Variants in ACSS3 observed in about 807,000 individuals in gnomAD.
ACSS3 encodes the protein acyl-CoA synthetase short chain family member 3.
ACSS3 carries 64 observed loss-of-function variants against 84.2 expected under a neutral mutation model. The observed-to-expected ratio is 0.76, with a 90% CI of 0.62 to 0.94. ACSS3 has a LOEUF of 0.94. Among genes scored for constraint, ACSS3 ranks in the 40% least tolerant of loss-of-function variants. ACSS3 has a pLI of 0.00. For missense variants in ACSS3, 815 were observed against 867.6 expected, an observed-to-expected ratio of 0.94 and a Z score of 0.76; for synonymous variants, 317 against 310.1, an observed-to-expected ratio of 1.02 and a Z score of -0.23.
In ACSS3 at chr12:81,078,695, T is replaced by G. The variant is rs942430024; in HGVS notation, c.311+264T>G. Among the ~76,000 whole-genome samples the G allele has an allele frequency of 2.6e-5, 4 of 152,092 alleles. No individual in the cohort carries two copies. In the South Asian group the frequency reaches 8.3e-4, roughly 32 times the overall value. On this transcript the variant is annotated intron_variant, in intron 1 of 15. Coordinates refer to ENST00000548058, the MANE Select transcript of ACSS3 (RefSeq NM_024560.4). ...GACTGGCAAGGTTCTGCTTTGGCAG[T>G]GGGAATAGTAAGAAAACTAAAACAA...
chr12:81,220,767 G>A (rs899095216), intron 11 of ACSS3, among the ~76,000 whole-genome samples: 1 of 151,872 alleles, frequency 6.6e-6, no homozygotes, highest in Non-Finnish European at 1.5e-5. Context: ...TTATTTTTGT[G>A]TATTGCTGTT....
chr12:81,215,189 A>G (rs1262405036), intron 9 of ACSS3, among the ~76,000 whole-genome samples: 2 of 152,196 alleles, frequency 1.3e-5, no homozygotes, highest in African/African-American at 4.8e-5. Context: ...CGGCAGGAGT[A>G]TTAGATGGCT....
Position 81,109,541 on chromosome 12 carries a change from C to G in ACSS3, c.312-19C>G. The G allele has an allele frequency of 6.3e-7, 1 of 1,598,962 alleles. No homozygotes were observed. The highest frequency in any genetic ancestry group is 1.3e-5 in the African/African-American group (1 of 74,344). ...TTTTTAAAGCCATCATTCACCTTTA[C>G]TTTCCAATTATTTTTCAGGTTTGTG... is the stretch of plus-strand genomic sequence containing the variant. On this transcript the variant is annotated intron_variant, in intron 1 of 15. Transcript: ENST00000548058.
chr12:81,240,018 G>T (rs567992026), intron 13 of ACSS3, among the ~76,000 whole-genome samples: 2 of 151,896 alleles, frequency 1.3e-5, no homozygotes, highest in Non-Finnish European at 2.9e-5. Context: ...TTTGAGTGTG[G>T]ACTTTTTTTT....
At chr12:81,136,427 T>C (rs1885807937) in intron 3 of ACSS3, among the ~76,000 whole-genome samples, 1 of 152,246 alleles carries the variant, frequency 6.6e-6, no homozygotes, top group Admixed American at 6.5e-5. Context: ...AGAAACAGGC[T>C]GTGTGCCGGG....
chr12:81,198,893 A>G (rs896770209), intron 8 of ACSS3, among the ~76,000 whole-genome samples: 6 of 152,232 alleles, frequency 3.9e-5, no homozygotes, highest in Non-Finnish European at 8.8e-5. Flanking sequence ...ACAAGAAGGA[A>G]CAAATTCATA....
chr12:81,259,783 G>T lies in ACSS3; in HGVS notation c.*4861G>T. On this transcript the variant is annotated 3_prime_UTR_variant, in exon 16 of 16. Transcript: ENST00000548058. Reference sequence around the variant, plus strand: ...CTCCTGTCCTAGAAGATCATGAGAAGGAAATCATCTAGGATGTAGCCAACA... The same window carrying T: ...CTCCTGTCCTAGAAGATCATGAGAATGAAATCATCTAGGATGTAGCCAACA... 1.3e-6 allele frequency: 1 copy of T among 748,460 alleles called. No homozygotes were observed. Among genetic ancestry groups the T allele is most frequent in the East Asian group, 2.8e-5 (1 of 35,434 alleles). The allele number at this position is 748,460 out of a possible 1,614,324, so 46.4% of individuals were successfully genotyped here. A position where few individuals can be genotyped will look rare whatever the true frequency, so the allele number is the denominator to read the frequency against.
Position 81,199,329 on chromosome 12 carries a change from T to C in ACSS3, c.1251-12T>C. 1 of 1,594,350 alleles carries C rather than the reference T, an allele frequency of 6.3e-7. No homozygotes were observed. The highest frequency in any genetic ancestry group is 8.5e-7 in the Non-Finnish European group (1 of 1,170,584). ...TTCCAGGAATAATTTGAATTCACTG[T>C]CTCATATTCAGGTTCAAAACATTAT... On this transcript the variant is annotated splice_polypyrimidine_tract_variant and intron_variant, in intron 8 of 15. Coordinates refer to ENST00000548058, the MANE Select transcript of ACSS3 (RefSeq NM_024560.4).
At chr12:81,147,672 C>G (rs963150372) in intron 5 of ACSS3, among the ~76,000 whole-genome samples, 10 of 152,100 alleles carry the variant, frequency 6.6e-5, no homozygotes, top group Non-Finnish European at 1.3e-4. Context: ...GAGGCTTACT[C>G]TAGAAAAAGG....
Position 81,216,995 on chromosome 12 carries a change from T to A in ACSS3, c.1449T>A (p.Asn483Lys). Reference sequence around the variant, plus strand: ...CAGGAAAAAGCGTCCCAGGATACAATGGTAAGGAATGACCCTGATAATACG... The same window carrying A: ...CAGGAAAAAGCGTCCCAGGATACAAAGGTAAGGAATGACCCTGATAATACG... ...GQAGKSVPGY[N>K]VMILDDNMQK... The change falls in exon 10 of 16, where the codon AAT (asparagine) becomes AAA (lysine). Residue 483 changes from asparagine (N) to lysine (K), a missense_variant and splice_region_variant. Coordinates refer to ENST00000548058, the MANE Select transcript of ACSS3 (RefSeq NM_024560.4). 1.9e-6 allele frequency: 3 copies of A among 1,605,238 alleles called. No homozygotes were observed. In the Admixed American group the frequency reaches 5.0e-5, roughly 27 times the overall value.
At chr12:81,238,099 T>C (rs1262916626) in intron 13 of ACSS3, among the ~76,000 whole-genome samples, 1 of 151,786 alleles carries the variant, frequency 6.6e-6, no homozygotes, top group Non-Finnish European at 1.5e-5. Flanking sequence ...GTTTTACTTT[T>C]TCTGCATGTA....
At chr12:81,222,392 C>A (rs1311428055) in intron 11 of ACSS3, among the ~76,000 whole-genome samples, 1 of 151,964 alleles carries the variant, frequency 6.6e-6, no homozygotes, top group African/African-American at 2.4e-5. Flanking sequence ...TTTAACAAAA[C>A]AGATTTTGAA....
intron 13 of ACSS3, among the ~76,000 whole-genome samples, chr12:81,234,131 T>G (rs534309724): frequency 6.6e-6 from 1 of 151,520 alleles, no homozygotes; most frequent in Non-Finnish European, 1.5e-5. Context: ...CAATTTTATA[T>G]AAATAGATGA....
intron 2 of ACSS3, among the ~76,000 whole-genome samples, chr12:81,116,605 CT>C (rs1405943396): frequency 6.6e-6 from 1 of 152,052 alleles, no homozygotes; most frequent in Non-Finnish European, 1.5e-5. Flanking sequence ...TTCATTATTG[CT>C]TTTTTAATCC....
chr12:81,077,936 A>T, upstream of ACSS3: 1 of 646,026 alleles, frequency 1.5e-6, no homozygotes, highest in South Asian at 2.7e-5. Flanking sequence ...CCCCCACTTT[A>T]GCCTGTTGCT....
chr12:81,162,469 A>G (rs1887199044), intron 7 of ACSS3, among the ~76,000 whole-genome samples: 2 of 152,018 alleles, frequency 1.3e-5, no homozygotes, highest in African/African-American at 2.4e-5. Flanking sequence ...TGGGGTTTTT[A>G]TGGTCTTCAG....
At chr12:81,117,392 C>T (rs1008104513) in intron 2 of ACSS3, among the ~76,000 whole-genome samples, 20 of 152,234 alleles carry the variant, frequency 1.3e-4, no homozygotes, top group Admixed American at 9.2e-4. Flanking sequence ...AGAGGGACTT[C>T]GCCTGCCATT....
chr12:81,242,902 A>C (rs545259176), intron 13 of ACSS3, among the ~76,000 whole-genome samples: 2 of 152,308 alleles, frequency 1.3e-5, no homozygotes, highest in African/African-American at 4.8e-5. Context: ...AGCCAATATA[A>C]TACTGAATGG....
At chr12:81,177,555 A>G (rs958554118) in intron 8 of ACSS3, among the ~76,000 whole-genome samples, 2 of 152,190 alleles carry the variant, frequency 1.3e-5, no homozygotes, top group Non-Finnish European at 2.9e-5. Context: ...AATTTTCACA[A>G]CCTACTCATC....
Sources: gnomAD v4.1 joint callset for allele counts (sites outside exome capture counted in the v4.1 genomes callset) on GRCh38, gnomAD v4.1.1 for gene constraint, MANE v1.5 for transcripts, NCBI Gene and HGNC (gene_info 2026-07-23, HGNC 2026-07-21) for gene names.